Variants in CTNNA3 observed in about 807,000 individuals in gnomAD.
CTNNA3 encodes the protein catenin alpha-3.
Under a neutral mutation model 95.7 loss-of-function variants are expected in CTNNA3, and 76 were observed. The observed-to-expected ratio is 0.79, with a 90% CI of 0.66 to 0.96. The LOEUF is 0.96. CTNNA3 is among the 40% of genes least tolerant of loss of function. The pLI is 0.00. For synonymous variants in CTNNA3, 431 were observed against 374.4 expected (o/e 1.15, Z -1.74); for missense variants, 1,191 against 1,089.8 (o/e 1.09, Z -1.31).
chr10:66,494,981 C>T (rs555074494), intron 11 of CTNNA3, among the ~76,000 whole-genome samples: 170 of 152,268 alleles, frequency 1.1e-3, no homozygotes, highest in African/African-American at 3.9e-3. Flanking sequence ...GACTACAGCT[C>T]CCCCTCATTG....
chr10:66,880,919 A>C (rs563704759), intron 7 of CTNNA3, among the ~76,000 whole-genome samples: 3 of 152,252 alleles, frequency 2.0e-5, no homozygotes, highest in South Asian at 4.1e-4. Flanking sequence ...TAATAATAGA[A>C]TTAAAGTAGA....
At chr10:67,605,929 C>T (rs977942859) in intron 3 of CTNNA3, among the ~76,000 whole-genome samples, 1 of 152,172 alleles carries the variant, frequency 6.6e-6, no homozygotes, top group African/African-American at 2.4e-5. Flanking sequence ...CCTTGGCCTC[C>T]CAAAGTGCTG....
At chr10:66,646,058 C>T (rs966940248) in intron 9 of CTNNA3, among the ~76,000 whole-genome samples, 1 of 151,920 alleles carries the variant, frequency 6.6e-6, no homozygotes, top group Non-Finnish European at 1.5e-5. Context: ...AAATTTAGAC[C>T]ACATGCATTT....
rs571469428 is a variant in CTNNA3 at position 67,736,163 on chromosome 10, C to T, written c.-2+27271G>A. Among the ~76,000 whole-genome samples the T allele has an allele frequency of 1.1e-3, 168 of 152,210 alleles. 1 individual carries two copies. The highest frequency in any genetic ancestry group is 3.9e-3 in the African/African-American group (160 of 41,538). On this transcript the variant is annotated intron_variant, in intron 1 of 17. Coordinates refer to the CTNNA3 transcript ENST00000684154. ...CTATAACATGGACAAACCTTGATAA[C>T]ATTATGCTAAGTGAAATAAGCCTGA...
At chr10:66,105,068 G>C (rs1396423420) in intron 13 of CTNNA3, among the ~76,000 whole-genome samples, 11 of 152,120 alleles carry the variant, frequency 7.2e-5, no homozygotes, top group Non-Finnish European at 1.6e-4. Context: ...AGAGCATTTT[G>C]CATTTATTTC....
At chr10:67,208,121 C>T (rs1229138799) in intron 6 of CTNNA3, among the ~76,000 whole-genome samples, 2 of 152,062 alleles carry the variant, frequency 1.3e-5, no homozygotes. Context: ...GCCTGTAATC[C>T]TAGCACTTTT....
intron 12 of CTNNA3, among the ~76,000 whole-genome samples, chr10:66,331,539 A>G (rs1162727466): frequency 4.6e-5 from 7 of 151,140 alleles, no homozygotes; most frequent in Admixed American, 4.6e-4. Context: ...TTTTTAGTAG[A>G]GACGGGGTTT....
At chr10:67,303,172 A>G (rs1840397661) in intron 5 of CTNNA3, among the ~76,000 whole-genome samples, 2 of 152,258 alleles carry the variant, frequency 1.3e-5, no homozygotes, top group South Asian at 4.1e-4. Context: ...GCTGTTACCA[A>G]TCCTAGGTCC....
intron 9 of CTNNA3, among the ~76,000 whole-genome samples, chr10:66,743,969 C>A (rs1589200824): frequency 4.2e-5 from 3 of 70,966 alleles, no homozygotes; most frequent in Admixed American, 2.5e-4. Flanking sequence ...AGTGAGATTC[C>A]ATCTCAAAAA....
At chr10:66,813,800 T>C (rs1406691360) in intron 7 of CTNNA3, among the ~76,000 whole-genome samples, 1 of 151,884 alleles carries the variant, frequency 6.6e-6, no homozygotes, top group Non-Finnish European at 1.5e-5. Context: ...GAATCAGATT[T>C]GCCTTAGAGA....
rs1226921675 is a variant in CTNNA3 at position 66,296,192 on chromosome 10, TATTAAAACAG to T, written c.1733-15581_1733-15572del. Reference sequence around the variant, plus strand: ...TTATGTGGTAGGGAAATTAGCCTATTATTAAAACAGATTTTTAAAGATTTATAGGAAGAGG... The same window carrying T: ...TTATGTGGTAGGGAAATTAGCCTATTATTTTTAAAGATTTATAGGAAGAGG... On this transcript the variant is annotated intron_variant, in intron 12 of 17. Transcript: ENST00000433211. Among the ~76,000 whole-genome samples, 3 of 152,288 alleles carry T rather than the reference TATTAAAACAG, an allele frequency of 2.0e-5. No homozygotes were observed. In the East Asian group the frequency reaches 5.8e-4, roughly 29 times the overall value.
At chr10:66,673,151 T>C (rs930553339) in intron 9 of CTNNA3, among the ~76,000 whole-genome samples, 18 of 152,108 alleles carry the variant, frequency 1.2e-4, no homozygotes, top group Non-Finnish European at 1.9e-4. Context: ...AGGCATTAAA[T>C]GTCCACAGCT....
intron 5 of CTNNA3, among the ~76,000 whole-genome samples, chr10:67,371,155 C>T (rs1370476762): frequency 5.9e-5 from 9 of 151,824 alleles, no homozygotes; most frequent in Non-Finnish European, 8.8e-5. Flanking sequence ...CGTGAGCCAC[C>T]GCGCCCGGCC....
At chr10:66,113,989 A>C (rs2082217114) in intron 13 of CTNNA3, among the ~76,000 whole-genome samples, 1 of 152,108 alleles carries the variant, frequency 6.6e-6, no homozygotes. Context: ...GAATGCTAAA[A>C]ATGGTGGTGG....
At chr10:67,734,686 C>A (rs1841292747) in intron 1 of CTNNA3, among the ~76,000 whole-genome samples, 1 of 152,110 alleles carries the variant, frequency 6.6e-6, no homozygotes, top group Non-Finnish European at 1.5e-5. Flanking sequence ...GAAAACATTT[C>A]TGGAGGGCAA....
chr10:66,337,019 C>T (rs966257963), intron 12 of CTNNA3, among the ~76,000 whole-genome samples: 1 of 151,986 alleles, frequency 6.6e-6, no homozygotes, highest in Admixed American at 6.6e-5. Context: ...CAGATGTTTT[C>T]TATTGAGCCA....
At chr10:66,814,851 CTTTTT>C (rs71035183) in intron 7 of CTNNA3, among the ~76,000 whole-genome samples, 2 of 114,942 alleles carry the variant, frequency 1.7e-5, no homozygotes, top group Non-Finnish European at 3.6e-5. Context: ...AGTTAGCATT[CTTTTT>C]TTTTTTTTTT....
At chr10:67,242,522 A>T (rs1466464055) in intron 5 of CTNNA3, among the ~76,000 whole-genome samples, 1 of 152,180 alleles carries the variant, frequency 6.6e-6, no homozygotes, top group East Asian at 1.9e-4. Context: ...GTAAATAGGG[A>T]GTGGTGAGGC....
intron 2 of CTNNA3, among the ~76,000 whole-genome samples, chr10:67,626,870 T>C (rs1456513049): frequency 6.6e-6 from 1 of 152,232 alleles, no homozygotes; most frequent in African/African-American, 2.4e-5. Context: ...ATTATATAAC[T>C]AGCCCAAAAC....
Sources: allele counts gnomAD v4.1 joint callset (sites outside exome capture counted in the v4.1 genomes callset), GRCh38; gene constraint gnomAD v4.1.1; transcripts MANE v1.5; gene names NCBI Gene and HGNC (gene_info 2026-07-23, HGNC 2026-07-21).